The following CTNNA2 variants were observed in gnomAD, a reference collection of about 807,000 sequenced individuals.
The protein encoded by CTNNA2 is catenin alpha 2.
In CTNNA2, 42 loss-of-function variants were observed where a neutral mutation model predicts 101.0. The observed-to-expected ratio is 0.42, with a 90% CI of 0.32 to 0.54. The LOEUF (loss-of-function observed/expected upper bound fraction) is 0.54, where lower values mean the gene tolerates loss of function less well. Ranked by LOEUF, CTNNA2 falls within the 20% of genes least tolerant of loss-of-function variation. The probability of loss-of-function intolerance (pLI) is 0.14; values close to 1 mark genes in which losing one functional copy is unlikely to be tolerated. For missense variants in CTNNA2, 871 were observed against 1,223.1 expected (o/e 0.71, Z 4.29); for synonymous variants, 450 against 456.4 (o/e 0.99, Z 0.18).
At chr2:79,936,012 A>G (rs759318506) in intron 7 of CTNNA2, among the ~76,000 whole-genome samples, 11 of 152,254 alleles carry the variant, frequency 7.2e-5, no homozygotes, top group Non-Finnish European at 1.2e-4. Flanking sequence ...ATAGAATGGC[A>G]ATGAAGAGAG....
At position 80,303,586 on chromosome 2, in the gene CTNNA2, C is replaced by G. The variant is rs375512125; in HGVS notation, c.1057-89625C>G. 8.1e-6 allele frequency: 13 copies of G among 1,614,162 alleles called. No individual in the cohort carries two copies. The highest frequency in any genetic ancestry group is 4.5e-5 in the East Asian group (2 of 44,864). Reference sequence around the variant, plus strand: ...CCGTGAACTGGCCGGCGCGCAGCTCCGAGAGGCTGTTGTAGCGCAGGGACA... The same window carrying G: ...CCGTGAACTGGCCGGCGCGCAGCTCGGAGAGGCTGTTGTAGCGCAGGGACA... On this transcript the variant is annotated intron_variant, in intron 7 of 18. Transcript: ENST00000402739. The surrounding 1 kb of genome is among the most constrained non-coding windows in gnomAD (Gnocchi z 7.7).
At chr2:79,862,388 A>G (rs1681692648) in intron 4 of CTNNA2, among the ~76,000 whole-genome samples, 1 of 152,176 alleles carries the variant, frequency 6.6e-6, no homozygotes, top group African/African-American at 2.4e-5. Context: ...TGAGTTTTGC[A>G]TCAAACAGCC....
chr2:80,065,180 GC>G (rs1280455026), intron 7 of CTNNA2, among the ~76,000 whole-genome samples: 1 of 151,936 alleles, frequency 6.6e-6, no homozygotes, highest in Non-Finnish European at 1.5e-5. Context: ...AATGTTATCT[GC>G]CTTGAATTAC....
At chr2:80,532,740 TG>T (rs1690652585) in intron 9 of CTNNA2, among the ~76,000 whole-genome samples, 1 of 152,154 alleles carries the variant, frequency 6.6e-6, no homozygotes, top group Non-Finnish European at 1.5e-5. Flanking sequence ...TTTGTGTGTG[TG>T]TTTTTTTTAA....
intron 7 of CTNNA2, among the ~76,000 whole-genome samples, chr2:80,291,464 G>A (rs1234965688): frequency 6.6e-6 from 1 of 152,216 alleles, no homozygotes; most frequent in Non-Finnish European, 1.5e-5. Context: ...TCCTCTGCCA[G>A]AAGAAAGGGT....
intron 7 of CTNNA2, among the ~76,000 whole-genome samples, chr2:80,367,435 A>T (rs2149327707): frequency 6.6e-6 from 1 of 152,300 alleles, no homozygotes; most frequent in East Asian, 1.9e-4. Flanking sequence ...GGAGAAAACG[A>T]ATATAAGTCT....
At chr2:80,184,064 TATAATA>T (rs146921769) in intron 7 of CTNNA2, among the ~76,000 whole-genome samples, 7 of 151,126 alleles carry the variant, frequency 4.6e-5, no homozygotes, top group East Asian at 3.9e-4. Flanking sequence ...CATTGTAGGC[TATAATA>T]ATAATAATAA....
chr2:80,334,870 T>A (rs80086068), intron 7 of CTNNA2, among the ~76,000 whole-genome samples: 11,511 of 152,276 alleles, frequency 0.076, 438 homozygotes, highest in Non-Finnish European at 0.089. Flanking sequence ...AAACCAGGAA[T>A]GTCCCAGATC....
intron 1 of CTNNA2, among the ~76,000 whole-genome samples, chr2:79,639,519 GT>G (rs1329500719): frequency 6.6e-6 from 1 of 151,966 alleles, no homozygotes; most frequent in Non-Finnish European, 1.5e-5. Context: ...TGAAAACACT[GT>G]AATTAAATTT....
intron 7 of CTNNA2, among the ~76,000 whole-genome samples, chr2:80,098,191 A>G (rs562821688): frequency 6.6e-6 from 1 of 152,122 alleles, no homozygotes; most frequent in Non-Finnish European, 1.5e-5. Context: ...TTTGGTGTGG[A>G]TGTCCTTTCT....
chr2:79,562,503 T>C (rs929562541), intron 1 of CTNNA2, among the ~76,000 whole-genome samples: 2 of 152,060 alleles, frequency 1.3e-5, no homozygotes, highest in African/African-American at 2.4e-5. Flanking sequence ...TTTCTCTGAA[T>C]GGAGACAGAG....
chr2:80,092,277 A>G (rs1699837518), intron 7 of CTNNA2, among the ~76,000 whole-genome samples: 1 of 152,152 alleles, frequency 6.6e-6, no homozygotes, highest in Admixed American at 6.6e-5. Context: ...AATATTTGTC[A>G]CAAGAATAAA....
At chr2:80,450,343 T>C (rs532946081) in intron 9 of CTNNA2, among the ~76,000 whole-genome samples, 1 of 152,182 alleles carries the variant, frequency 6.6e-6, no homozygotes, top group Non-Finnish European at 1.5e-5. Context: ...ATTTATTACA[T>C]CTTGAACAAC....
intron 7 of CTNNA2, among the ~76,000 whole-genome samples, chr2:80,278,163 A>C (rs1202386081): frequency 6.6e-6 from 1 of 152,148 alleles, no homozygotes; most frequent in East Asian, 1.9e-4. Context: ...TATGGTAAAA[A>C]TTCTGTGAAG....
At chr2:79,651,237 C>A (rs1681225688) in intron 1 of CTNNA2, among the ~76,000 whole-genome samples, 1 of 152,126 alleles carries the variant, frequency 6.6e-6, no homozygotes, top group Non-Finnish European at 1.5e-5. Flanking sequence ...AAGACTGAAA[C>A]CTTTCGCAGC....
chr2:79,938,214 A>G (rs1687918690), intron 7 of CTNNA2, among the ~76,000 whole-genome samples: 1 of 152,220 alleles, frequency 6.6e-6, no homozygotes, highest in African/African-American at 2.4e-5. Flanking sequence ...TGTGTAAAGC[A>G]AATGAGCCCT....
chr2:80,621,071 A>G (rs920969373), intron 18 of CTNNA2, among the ~76,000 whole-genome samples: 2 of 151,906 alleles, frequency 1.3e-5, no homozygotes, highest in Non-Finnish European at 2.9e-5. Flanking sequence ...TGGAGGTTGC[A>G]TTAATTTGGG....
At chr2:79,377,565 G>A (rs971542014) in intron 4 of CTNNA2, among the ~76,000 whole-genome samples, 3 of 152,140 alleles carry the variant, frequency 2.0e-5, no homozygotes, top group African/African-American at 7.2e-5. Flanking sequence ...TATACAGGCA[G>A]TTTTGGGAGA....
chr2:79,911,539 T>C (rs1223322672), intron 7 of CTNNA2, among the ~76,000 whole-genome samples: 2 of 152,260 alleles, frequency 1.3e-5, no homozygotes, highest in African/African-American at 4.8e-5. Context: ...TCTTTCAGTG[T>C]AATCTCATGC....
Sources: allele counts gnomAD v4.1 joint callset (sites outside exome capture counted in the v4.1 genomes callset), GRCh38; gene constraint gnomAD v4.1.1; non-coding constraint Gnocchi (gnomAD v3.1); transcripts MANE v1.5; gene names NCBI Gene and HGNC (gene_info 2026-07-23, HGNC 2026-07-21).